PVT1: variants seen among roughly 807,000 people sequenced by gnomAD.
The protein encoded by PVT1 is CXCR4/PVT1 fusion.
intron 5 of PVT1, among the ~76,000 whole-genome samples, chr8:128,089,131 C>T (rs1327625389): frequency 6.6e-6 from 1 of 152,212 alleles, no homozygotes; most frequent in Non-Finnish European, 1.5e-5. Context: ...CTTCTCATCT[C>T]AAGCACAGCC....
intron 3 of PVT1, among the ~76,000 whole-genome samples, chr8:127,916,913 G>A (rs1815992803): frequency 6.6e-6 from 1 of 152,180 alleles, no homozygotes; most frequent in Non-Finnish European, 1.5e-5. Context: ...TATCGTTTCG[G>A]TTCTGATAGC....
At chr8:127,803,064 C>T (rs1814483252) in intron 2 of PVT1, 1 of 150,964 alleles carries the variant, frequency 6.6e-6, no homozygotes, top group Non-Finnish European at 1.5e-5. Flanking sequence ...GGGTGAGGGG[C>T]AGGACATCCT....
chr8:128,002,339 C>T (rs1817189892), intron 4 of PVT1, among the ~76,000 whole-genome samples: 1 of 152,214 alleles, frequency 6.6e-6, no homozygotes, highest in Non-Finnish European at 1.5e-5. Flanking sequence ...GTGACATTTT[C>T]CTCCCATTGC....
chr8:127,872,326 T>C (rs1474532723), intron 2 of PVT1, among the ~76,000 whole-genome samples: 4 of 151,900 alleles, frequency 2.6e-5, no homozygotes, highest in Non-Finnish European at 5.9e-5. Flanking sequence ...GGTGGGAGAA[T>C]CGCTTGAACC....
In PVT1 at chr8:127,808,617, C is replaced by T. The variant is rs191734801; in HGVS notation, n.372+12546C>T. ...TTTTGTTGGGTAGATGGTGGATCAACGGAAGCAGGTGGCCCATTTGGGGAC... is the reference window on the plus strand; with the variant it reads ...TTTTGTTGGGTAGATGGTGGATCAATGGAAGCAGGTGGCCCATTTGGGGAC... On this transcript the variant is annotated intron_variant and non_coding_transcript_variant, in intron 2 of 10. Transcript: ENST00000651587. Among the ~76,000 whole-genome samples the T allele has an allele frequency of 1.5e-3, 227 of 152,144 alleles. 1 individual carries two copies. Among genetic ancestry groups the T allele is most frequent in the African/African-American group, 5.2e-3 (217 of 41,498 alleles).
intron 4 of PVT1, among the ~76,000 whole-genome samples, chr8:127,993,420 C>T (rs17777315): frequency 0.019 from 2,926 of 152,304 alleles, 42 homozygotes; most frequent in South Asian, 0.034. Flanking sequence ...GACCACCCAC[C>T]GTAGCTGTCA....
At chr8:128,087,770 T>TTG (rs370583568) in intron 5 of PVT1, among the ~76,000 whole-genome samples, 7,202 of 115,028 alleles carry the variant, frequency 0.063, 277 homozygotes, top group Non-Finnish European at 0.087. Context: ...TTTTTTTTTT[T>TTG]GAGATGGAGT....
chr8:127,919,514 TC>T (rs1816031787), intron 3 of PVT1, among the ~76,000 whole-genome samples: 1 of 152,166 alleles, frequency 6.6e-6, no homozygotes, highest in African/African-American at 2.4e-5. Context: ...TTCTCACTCT[TC>T]ATCCAGTCTG....
chr8:127,852,413 C>T (rs1363370619), intron 2 of PVT1: 1 of 152,218 alleles, frequency 6.6e-6, no homozygotes, highest in Non-Finnish European at 1.5e-5. Context: ...TGCTTGGATG[C>T]CTTGAGGCAG....
chr8:127,864,817 G>A (rs538322871), intron 2 of PVT1, among the ~76,000 whole-genome samples: 1 of 152,282 alleles, frequency 6.6e-6, no homozygotes, highest in East Asian at 1.9e-4. Flanking sequence ...CAAAGTGCTG[G>A]GATTCCAGGC....
intron 3 of PVT1, among the ~76,000 whole-genome samples, chr8:127,901,923 T>A (rs1454255064): frequency 1.4e-5 from 2 of 141,968 alleles, no homozygotes; most frequent in African/African-American, 5.4e-5. Context: ...TTTTTTTTTT[T>A]AAGAAAAATA....
chr8:127,892,783 G>C (rs564486019), intron 3 of PVT1, among the ~76,000 whole-genome samples: 5 of 152,276 alleles, frequency 3.3e-5, no homozygotes, highest in Non-Finnish European at 7.4e-5. Flanking sequence ...GGGCTGCTGA[G>C]GGTCTGGAGA....
chr8:127,836,408 G>A (rs1322333608), intron 2 of PVT1, among the ~76,000 whole-genome samples: 1 of 152,166 alleles, frequency 6.6e-6, no homozygotes, highest in South Asian at 2.1e-4. Flanking sequence ...CCATCACCTA[G>A]TTATTAAGCC....
intron 5 of PVT1, among the ~76,000 whole-genome samples, chr8:128,085,136 G>T (rs1814240320): frequency 6.6e-6 from 1 of 152,210 alleles, no homozygotes; most frequent in Admixed American, 6.5e-5. Flanking sequence ...TCCAGGGAAA[G>T]CACTGGGACT....
chr8:128,055,286 C>T (rs1813750147), intron 4 of PVT1, among the ~76,000 whole-genome samples: 1 of 152,204 alleles, frequency 6.6e-6, no homozygotes, highest in South Asian at 2.1e-4. Context: ...AAACCTTGGA[C>T]ATCATAATAT....
chr8:127,815,341 G>C (rs6470581), intron 2 of PVT1, among the ~76,000 whole-genome samples: 1 of 151,978 alleles, frequency 6.6e-6, no homozygotes, highest in Non-Finnish European at 1.5e-5. Flanking sequence ...GACTGAATGA[G>C]TTTTTAAATT....
chr8:128,035,157 G>A (rs1360248482), intron 4 of PVT1, among the ~76,000 whole-genome samples: 2 of 152,162 alleles, frequency 1.3e-5, no homozygotes, highest in Non-Finnish European at 2.9e-5. Context: ...CCTTCACCAG[G>A]GCACAGCAGT....
chr8:127,969,427 T>G (rs1343404514), intron 3 of PVT1, among the ~76,000 whole-genome samples: 1 of 152,186 alleles, frequency 6.6e-6, no homozygotes, highest in Non-Finnish European at 1.5e-5. Flanking sequence ...CCCCGGCCTT[T>G]CCAGGATGCC....
At chr8:127,853,150 G>A (rs528299120) in intron 2 of PVT1, among the ~76,000 whole-genome samples, 39 of 152,302 alleles carry the variant, frequency 2.6e-4, no homozygotes, top group African/African-American at 7.5e-4. Context: ...CAAGTGAGGA[G>A]ACAAGATATA....
Sources: allele counts gnomAD v4.1 joint callset (sites outside exome capture counted in the v4.1 genomes callset), GRCh38; gene constraint gnomAD v4.1.1; transcripts MANE v1.5; gene names NCBI Gene and HGNC (gene_info 2026-07-23, HGNC 2026-07-21).